The following NECAB2 variants were observed in gnomAD, a reference collection of about 807,000 sequenced individuals.
NECAB2 encodes N-terminal EF-hand calcium binding protein 2, also known as N-terminal EF-hand calcium-binding protein 2.
In NECAB2, 68 loss-of-function variants were observed where a neutral mutation model predicts 51.9. That is an observed-to-expected ratio of 1.31 (90% confidence interval 1.08 to 1.60). The LOEUF is 1.60. Ranked by LOEUF, NECAB2 falls within the 40% of genes most tolerant of loss-of-function variation. NECAB2 has a pLI of 0.00. For synonymous variants in NECAB2, 329 were observed against 203.5 expected (o/e 1.62, Z -5.25); for missense variants, 854 against 490.3 (o/e 1.74, Z -7.00).
At chr16:83,987,468 G>C (rs1209677457) in intron 5 of NECAB2, among the ~76,000 whole-genome samples, 1 of 152,124 alleles carries the variant, frequency 6.6e-6, no homozygotes, top group Non-Finnish European at 1.5e-5. Flanking sequence ...AAAATTTAGG[G>C]AGTAAAGTAT....
intron 2 of NECAB2, among the ~76,000 whole-genome samples, chr16:83,973,476 A>T (rs879316492): frequency 6.6e-6 from 1 of 152,182 alleles, no homozygotes; most frequent in Non-Finnish European, 1.5e-5. Context: ...GGGAAGAAGG[A>T]CCATCAGCAG....
At chr16:83,965,583 A>T (rs1308905290), upstream of NECAB2, 30 of 1,612,870 alleles carry the variant, frequency 1.9e-5, no homozygotes, top group Non-Finnish European at 2.5e-5. Flanking sequence ...TACCCCGAGT[A>T]CCACAAGGTG....
chr16:83,972,445 C>T (rs1338209445), intron 2 of NECAB2, among the ~76,000 whole-genome samples: 1 of 152,202 alleles, frequency 6.6e-6, no homozygotes, highest in East Asian at 1.9e-4. Flanking sequence ...AATGACTGGC[C>T]GTGGTAAGGG....
chr16:83,967,526 T>C (rs1366782896), upstream of NECAB2, among the ~76,000 whole-genome samples: 1 of 82,158 alleles, frequency 1.2e-5, no homozygotes, highest in Non-Finnish European at 2.4e-5. Flanking sequence ...GATGGATGGA[T>C]GGATGGGAGG....
intron 5 of NECAB2, among the ~76,000 whole-genome samples, chr16:83,985,493 C>T (rs375927481): frequency 6.5e-4 from 98 of 150,872 alleles, no homozygotes; most frequent in African/African-American, 2.1e-3. Flanking sequence ...ATTAGCTGGG[C>T]GTGGTGGCAG....
intron 2 of NECAB2, among the ~76,000 whole-genome samples, chr16:83,973,873 A>T (rs2084374999): frequency 6.6e-6 from 1 of 152,066 alleles, no homozygotes; most frequent in East Asian, 1.9e-4. Flanking sequence ...ATGGCTGTGC[A>T]TCCCGAGTGT....
In NECAB2 at chr16:84,000,951, G is replaced by A. The variant is rs568655223; in HGVS notation, c.1040+150G>A. 4.8e-4 allele frequency: 332 copies of A among 686,502 alleles called. 2 individuals are homozygous for A. Among genetic ancestry groups the A allele is most frequent in the Non-Finnish European group, 6.2e-4 (260 of 420,310 alleles). The allele number at this position is 686,502 out of a possible 1,614,324, so 42.5% of individuals were successfully genotyped here. A position where few individuals can be genotyped will look rare whatever the true frequency, so the allele number is the denominator to read the frequency against. ...TCTACCCGCTGGCATGCTTGCGTCAGTAAACCCTGGTGGAGGCAGGAGCTC... is the reference window on the plus strand; with the variant it reads ...TCTACCCGCTGGCATGCTTGCGTCAATAAACCCTGGTGGAGGCAGGAGCTC... On this transcript the variant is annotated intron_variant, in intron 11 of 12. Transcript: ENST00000305202.
chr16:83,992,518 C>G (rs2084639857), intron 6 of NECAB2, among the ~76,000 whole-genome samples: 1 of 152,116 alleles, frequency 6.6e-6, no homozygotes, highest in African/African-American at 2.4e-5. Context: ...GTGTCGGCAC[C>G]CAAGCTCGAT....
intron 8 of NECAB2, among the ~76,000 whole-genome samples, chr16:83,995,477 C>A (rs1478280698): frequency 6.6e-6 from 1 of 152,064 alleles, no homozygotes; most frequent in Non-Finnish European, 1.5e-5. Context: ...AGCACAGGGC[C>A]CGGTGCTGTA....
intron 6 of NECAB2, among the ~76,000 whole-genome samples, chr16:83,991,064 C>G (rs577082175): frequency 1.3e-5 from 2 of 151,950 alleles, no homozygotes; most frequent in Admixed American, 6.6e-5. Flanking sequence ...TCACTACAAC[C>G]TCTCCCTCCC....
chr16:83,984,462 C>G (rs1432211448), intron 5 of NECAB2, among the ~76,000 whole-genome samples: 4 of 152,018 alleles, frequency 2.6e-5, no homozygotes, highest in African/African-American at 4.8e-5. Context: ...GTGGCTCACG[C>G]CTGTAATTCC....
intron 5 of NECAB2, among the ~76,000 whole-genome samples, chr16:83,984,969 AT>A (rs2084534384): frequency 1.3e-5 from 2 of 151,942 alleles, no homozygotes; most frequent in South Asian, 4.2e-4. Flanking sequence ...GTTCTTTTTC[AT>A]ATGTGAAATG....
intron 12 of NECAB2, 81 bp downstream of exon 12, chr16:84,001,997 C>A (rs962147604): frequency 6.9e-7 from 1 of 1,454,802 alleles, no homozygotes; most frequent in African/African-American, 1.4e-5. Context: ...CCATATCTCC[C>A]GGGGACTTGC....
rs201708692 is a variant in NECAB2 at position 83,995,651 on chromosome 16, AT to A, written c.795+971del. On this transcript the variant is annotated intron_variant, in intron 8 of 12. Transcript: ENST00000305202. ...TTTTATGTTTCTCCTACTTTTGTGT[AT>A]TTTTTTTACACCCTTTGTAAAGGGT... Among the ~76,000 whole-genome samples the A allele has an allele frequency of 3.9e-3, 593 of 151,852 alleles. 4 individuals carry two copies. Among genetic ancestry groups the A allele is most frequent in the African/African-American group, 0.014 (564 of 41,390 alleles).
intron 6 of NECAB2, among the ~76,000 whole-genome samples, chr16:83,992,526 G>A (rs558722951): frequency 1.1e-4 from 16 of 152,166 alleles, no homozygotes; most frequent in Non-Finnish European, 2.1e-4. Flanking sequence ...ACCCAAGCTC[G>A]ATTGAGCCCT....
intron 2 of NECAB2, among the ~76,000 whole-genome samples, chr16:83,976,163 C>A (rs1432266698): frequency 6.6e-6 from 1 of 152,130 alleles, no homozygotes; most frequent in Non-Finnish European, 1.5e-5. Context: ...CCTGTCATGC[C>A]CATGGTGACT....
intron 2 of NECAB2, among the ~76,000 whole-genome samples, chr16:83,976,330 G>A (rs1291857437): frequency 1.3e-5 from 2 of 152,228 alleles, no homozygotes; most frequent in Non-Finnish European, 1.5e-5. Flanking sequence ...ACCTAGGCAA[G>A]TACCCTAAGG....
intron 10 of NECAB2, 112 bp downstream of exon 10, chr16:83,998,429 G>T (rs2084752775): frequency 2.1e-6 from 2 of 962,746 alleles, no homozygotes; most frequent in East Asian, 5.2e-5. Context: ...GCACCCCAGG[G>T]ACACACACAG....
intron 5 of NECAB2, among the ~76,000 whole-genome samples, chr16:83,984,322 G>A (rs538407052): frequency 6.6e-6 from 1 of 152,014 alleles, no homozygotes; most frequent in South Asian, 2.1e-4. Context: ...ACTGCCCTGG[G>A]CATAGTCGTT....
Sources: gnomAD v4.1 joint callset for allele counts (sites outside exome capture counted in the v4.1 genomes callset) on GRCh38, gnomAD v4.1.1 for gene constraint, MANE v1.5 for transcripts, NCBI Gene and HGNC (gene_info 2026-07-23, HGNC 2026-07-21) for gene names.